ZSCAN4: variants seen among roughly 807,000 people sequenced by gnomAD.
ZSCAN4 encodes the protein zinc finger and SCAN domain-containing protein 4.
ZSCAN4 carries 18 observed loss-of-function variants against 18.3 expected under a neutral mutation model. The observed-to-expected ratio is 0.98, with a 90% CI of 0.68 to 1.46. The LOEUF is 1.46. Among genes scored for constraint, ZSCAN4 ranks in the 40% most tolerant of loss-of-function variants. ZSCAN4 has a pLI of 0.00. For synonymous variants in ZSCAN4, 193 were observed against 180.3 expected (o/e 1.07, Z -0.57); for missense variants, 498 against 511.4 (o/e 0.97, Z 0.25).
upstream of ZSCAN4, among the ~76,000 whole-genome samples, chr19:57,667,007 G>C (rs559923708): frequency 2.2e-3 from 337 of 152,158 alleles, no homozygotes; most frequent in African/African-American, 7.1e-3. Flanking sequence ...ACACTGGAGC[G>C]GGGATACTCA....
chr19:57,668,295 G>C (rs1018294010), upstream of ZSCAN4, among the ~76,000 whole-genome samples: 2 of 152,034 alleles, frequency 1.3e-5, no homozygotes, highest in Admixed American at 6.6e-5. Flanking sequence ...GTTGGTGACA[G>C]GACCTAAACC....
the ZSCAN4 span, among the ~76,000 whole-genome samples, chr19:57,656,149 C>T: frequency 1.3e-5 from 2 of 152,224 alleles, no homozygotes; most frequent in African/African-American, 4.8e-5. Context: ...CTGGAGGTAG[C>T]TAAACTACCA....
chr19:57,670,947 G>C (rs1206126472), intron 2 of ZSCAN4, among the ~76,000 whole-genome samples: 1 of 151,162 alleles, frequency 6.6e-6, no homozygotes, highest in Non-Finnish European at 1.5e-5. Flanking sequence ...TGCAGCTTCA[G>C]CCTCCCCAGG....
upstream of ZSCAN4, among the ~76,000 whole-genome samples, chr19:57,666,526 C>G (rs58116503): frequency 4.0e-3 from 579 of 144,784 alleles, 4 homozygotes; most frequent in African/African-American, 0.014. Context: ...GTAGGTGCAA[C>G]AACCAAAAAT....
chr19:57,653,173 C>T, the ZSCAN4 span, among the ~76,000 whole-genome samples: 1 of 152,138 alleles, frequency 6.6e-6, no homozygotes, highest in African/African-American at 2.4e-5. Flanking sequence ...TATTCAAGGC[C>T]TTGATGAAAA....
chr19:57,674,481 T>C (rs879917202), intron 2 of ZSCAN4, among the ~76,000 whole-genome samples: 4 of 152,346 alleles, frequency 2.6e-5, no homozygotes, highest in African/African-American at 9.6e-5. Flanking sequence ...GCTCCAACTA[T>C]GTTGCTGCAA....
At position 57,676,556 on chromosome 19, in the gene ZSCAN4, C is replaced by T. The variant is rs1382412943; in HGVS notation, c.396+15C>T. On this transcript the variant is annotated intron_variant, in intron 3 of 4. Coordinates refer to ENST00000318203, the Ensembl canonical transcript of ZSCAN4. ...CACCTGCCTTAGTGAGTACAGGGTT[C>T]TAACTTCTGGGATGAGAGACAAAGG... is the stretch of plus-strand genomic sequence containing the variant. 1.3e-6 allele frequency: 2 copies of T among 1,584,754 alleles called. No individual in the cohort carries two copies. The highest frequency in any genetic ancestry group is 1.9e-5 in the Admixed American group (1 of 53,800).
intron 2 of ZSCAN4, among the ~76,000 whole-genome samples, chr19:57,673,770 T>C (rs1984096728): frequency 6.6e-6 from 1 of 152,180 alleles, no homozygotes; most frequent in South Asian, 2.1e-4. Context: ...TTATTATTAT[T>C]ATTGAGACAG....
chr19:57,677,980 G>C, exon 4 of ZSCAN4: 1 of 1,601,176 alleles, frequency 6.2e-7, no homozygotes, highest in African/African-American at 1.3e-5. Flanking sequence ...AGATGTCATT[G>C]TTCATCTCAC....
At chr19:57,664,311 C>G (rs951338497), upstream of ZSCAN4, 1 of 152,844 alleles carries the variant, frequency 6.5e-6, no homozygotes, top group Non-Finnish European at 1.5e-5. Flanking sequence ...GTGGACTCGG[C>G]GAGCAAGAGC....
the ZSCAN4 span, among the ~76,000 whole-genome samples, chr19:57,660,570 A>G: frequency 1.3e-5 from 2 of 152,248 alleles, no homozygotes; most frequent in Non-Finnish European, 2.9e-5. Context: ...ACAGATAAAT[A>G]TGGGGGAGTA....
intron 2 of ZSCAN4, 116 bp from the exon 3 acceptor site, chr19:57,675,925 G>GAAAAAA: frequency 2.1e-6 from 1 of 473,616 alleles, no homozygotes; most frequent in South Asian, 3.5e-5. Flanking sequence ...TTTATGTTAA[G>GAAAAAA]TTATAATTAT....
At chr19:57,671,205 G>C (rs1372558348) in intron 2 of ZSCAN4, among the ~76,000 whole-genome samples, 1 of 151,994 alleles carries the variant, frequency 6.6e-6, no homozygotes, top group Non-Finnish European at 1.5e-5. Context: ...ATGTAGCTGG[G>C]TGTCATTAGA....
chr19:57,670,415 A>C (rs1357792701), exon 2 of ZSCAN4: 1 of 152,166 alleles, frequency 6.6e-6, no homozygotes, highest in Non-Finnish European at 1.5e-5. Context: ...ATCAACAGAC[A>C]AGTGTTATCC....
chr19:57,670,697 G>A (rs1358900159), intron 2 of ZSCAN4, 130 bp downstream of exon 2: 1 of 152,140 alleles, frequency 6.6e-6, no homozygotes, highest in Non-Finnish European at 1.5e-5. Context: ...GCTATTTCAG[G>A]AAAATTCCTA....
chr19:57,654,590 A>G, the ZSCAN4 span, among the ~76,000 whole-genome samples: 2 of 152,128 alleles, frequency 1.3e-5, no homozygotes, highest in Non-Finnish European at 2.9e-5. Flanking sequence ...TATCCTGGCC[A>G]TCTGGAAAGC....
upstream of ZSCAN4, among the ~76,000 whole-genome samples, chr19:57,667,041 T>G (rs945139909): frequency 1.3e-5 from 2 of 152,216 alleles, no homozygotes; most frequent in Non-Finnish European, 2.9e-5. Flanking sequence ...GAGATGATGC[T>G]GGATGTAAAC....
chr19:57,670,904 G>A (rs1405254124), intron 2 of ZSCAN4, among the ~76,000 whole-genome samples: 1 of 150,060 alleles, frequency 6.7e-6, no homozygotes, highest in Non-Finnish European at 1.5e-5. Flanking sequence ...CTATCACCCA[G>A]GCTAAAGTTT....
chr19:57,668,127 C>T (rs1195206199), upstream of ZSCAN4, among the ~76,000 whole-genome samples: 1 of 152,068 alleles, frequency 6.6e-6, no homozygotes, highest in African/African-American at 2.4e-5. Context: ...TGGTCTCAAA[C>T]TCCTGACCTC....
Sources: gnomAD v4.1 joint callset for allele counts (sites outside exome capture counted in the v4.1 genomes callset) on GRCh38, gnomAD v4.1.1 for gene constraint, MANE v1.5 for transcripts, NCBI Gene and HGNC (gene_info 2026-07-23, HGNC 2026-07-21) for gene names.